Variants in DICER1 observed in about 807,000 individuals in gnomAD.
DICER1 encodes the protein endoribonuclease Dicer.
A neutral mutation model predicts 194.1 loss-of-function variants in DICER1; 43 were observed. That is an observed-to-expected ratio of 0.22 (90% confidence interval 0.17 to 0.29). The LOEUF (loss-of-function observed/expected upper bound fraction) is 0.29. Ranked by LOEUF, DICER1 falls within the 10% of genes least tolerant of loss-of-function variation. DICER1 has a pLI of 1.00. For synonymous variants in DICER1, 832 were observed against 820.5 expected (o/e 1.01, Z -0.24); for missense variants, 1,608 against 2,317.0 (o/e 0.69, Z 6.28).
At chr14:95,109,605 G>T (rs1166165082) in intron 14 of DICER1, among the ~76,000 whole-genome samples, 2 of 152,166 alleles carry the variant, frequency 1.3e-5, no homozygotes, top group Non-Finnish European at 2.9e-5. Context: ...TGAAAATTTG[G>T]TATGAGGAAA....
In DICER1 at chr14:95,117,734, T is replaced by G; in HGVS notation, c.1397A>C (p.Lys466Thr). 6.2e-7 allele frequency: 1 copy of G among 1,614,026 alleles called. No individual in the cohort carries two copies. Among genetic ancestry groups the G allele is most frequent in the South Asian group, 1.1e-5 (1 of 91,076 alleles). Residue 466 changes from lysine to threonine, a missense_variant, in exon 9 of 27, where the codon AAA (lysine) becomes ACA (threonine). Around this residue, in one of 10 missense-constraint regions of DICER1, gnomAD observed 657 missense variants for 910.1 expected, o/e 0.72. Coordinates refer to ENST00000343455, the MANE Select transcript of DICER1 (RefSeq NM_177438.3). ...GATATAAGCCAGCTCTGGATCTTGT[T>G]TGCCAGCTTCCTTTATCAATCTAAG... The part of the protein sequence containing the change: ...VLNRLIKEAG[K>T]QDPELAYISS...
chr14:95,156,422 T>C (rs1272557017), intron 1 of DICER1, among the ~76,000 whole-genome samples: 2 of 152,188 alleles, frequency 1.3e-5, no homozygotes, highest in African/African-American at 2.4e-5. Flanking sequence ...ACTACACAAA[T>C]AGGACCCTCC....
chr14:95,136,324 A>G (rs903439424), intron 1 of DICER1, among the ~76,000 whole-genome samples: 3 of 152,240 alleles, frequency 2.0e-5, no homozygotes, highest in Admixed American at 2.0e-4. Context: ...GCCATGCTCA[A>G]CTCAGCGTGG....
Position 95,090,191 on chromosome 14 carries a change from C to A in DICER1, c.*307G>T. 5 of 424,810 alleles carry A rather than the reference C, an allele frequency of 1.2e-5. No homozygotes were observed. The highest frequency in any genetic ancestry group is 4.3e-5 in the East Asian group (1 of 23,478). The allele number at this position is 424,810 out of a possible 1,614,324, so 26.3% of individuals were successfully genotyped here. A position where few individuals can be genotyped will look rare whatever the true frequency, so the allele number is the denominator to read the frequency against. On this transcript the variant is annotated 3_prime_UTR_variant, in exon 27 of 27. Transcript: ENST00000343455. ...AAACTCAAAAAAAAAAAAACAAAAC[C>A]TGTCAATTATTTTGAGCACTTGCTA...
At chr14:95,148,987 C>T (rs1895328765) in intron 1 of DICER1, among the ~76,000 whole-genome samples, 1 of 146,060 alleles carries the variant, frequency 6.8e-6, no homozygotes, top group African/African-American at 2.8e-5. Context: ...TTACAGGCAC[C>T]ATCAGAGCAC....
chr14:95,130,872 A>AGTTTCG (rs1893893685), intron 4 of DICER1, among the ~76,000 whole-genome samples: 1 of 152,242 alleles, frequency 6.6e-6, no homozygotes, highest in South Asian at 2.1e-4. Context: ...AAATTTTTCC[A>AGTTTCG]GTTTCAAGAC....
chr14:95,123,539 C>T (rs1320037925), intron 8 of DICER1, among the ~76,000 whole-genome samples: 1 of 152,210 alleles, frequency 6.6e-6, no homozygotes, highest in African/African-American at 2.4e-5. Context: ...CTTCCCACCA[C>T]AGCCTCCCAA....
rs1462690906 is a variant in DICER1, at chr14:95,126,837, G to C, written c.735-89C>G. On this transcript the variant is annotated intron_variant, in intron 6 of 26. Coordinates refer to ENST00000343455, the MANE Select transcript of DICER1 (RefSeq NM_177438.3). ...TTTCAAAAAGCAAAAAAAAAAAAAA[G>C]GGAATAGATACTAAAAAAAAAAAAA... The C allele has an allele frequency of 5.0e-6, 3 of 597,792 alleles. No individual in the cohort carries two copies. In the East Asian group the frequency reaches 1.0e-4, roughly 21 times the overall value. The allele number at this position is 597,792 out of a possible 1,614,324, so 37.0% of individuals were successfully genotyped here.
intron 1 of DICER1, among the ~76,000 whole-genome samples, chr14:95,156,828 G>A (rs973186167): frequency 3.9e-5 from 6 of 152,176 alleles, no homozygotes; most frequent in Admixed American, 2.6e-4. Context: ...TGCTCCGGCA[G>A]GTCAGGCGCG....
At chr14:95,115,157 A>T (rs370869047) in intron 11 of DICER1, among the ~76,000 whole-genome samples, 26 of 152,350 alleles carry the variant, frequency 1.7e-4, no homozygotes, top group East Asian at 1.5e-3. Context: ...TACAAAGAAA[A>T]TCTTATACTT....
rs2139962312 is a variant in DICER1, at chr14:95,103,711, G to A, written c.3685C>T (p.Pro1229Ser). 2 of 1,614,202 alleles carry A rather than the reference G, an allele frequency of 1.2e-6. No homozygotes were observed. The highest frequency in any genetic ancestry group is 2.2e-5 in the South Asian group (2 of 91,078). The change falls in exon 21 of 27, where the codon CCC becomes TCC. Residue 1229 changes from proline (P) to serine (S), a missense_variant. This residue lies in a region of DICER1 where 222 missense variants were observed against 215.5 expected (regional missense o/e 1.03). Coordinates refer to ENST00000343455, the MANE Select transcript of DICER1 (RefSeq NM_177438.3). ...IQNLYSYENQ[P>S]QPSDECTLLS... ...AGAGTACATTCATCGCTGGGCTGGGGCTGGTTCTCGTAACTGTATAAATTC... is the reference window on the plus strand; with the variant it reads ...AGAGTACATTCATCGCTGGGCTGGGACTGGTTCTCGTAACTGTATAAATTC...
chr14:95,095,152 G>C (rs556076677), intron 23 of DICER1, among the ~76,000 whole-genome samples: 1 of 152,282 alleles, frequency 6.6e-6, no homozygotes, highest in African/African-American at 2.4e-5. Flanking sequence ...TCTGAATTCA[G>C]GCACTTATTT....
chr14:95,132,485 G>C (rs1483958697), intron 3 of DICER1, 30 bp downstream of exon 3: 1 of 1,610,886 alleles, frequency 6.2e-7, no homozygotes, highest in East Asian at 2.2e-5. Context: ...AATTTCCCCT[G>C]CACAACTTGA....
chr14:95,105,293 C>CA lies in DICER1; in HGVS notation c.3094-48dup. 2.1e-6 allele frequency: 3 copies of CA among 1,427,222 alleles called. No individual in the cohort carries two copies. The highest frequency in any genetic ancestry group is 3.9e-5 in the Admixed American group (2 of 50,670). The allele number at this position is 1,427,222 out of a possible 1,614,324, so 88.4% of individuals were successfully genotyped here. On this transcript the variant is annotated intron_variant, in intron 19 of 26. Transcript: ENST00000343455. This position sits in a 1 kb window ranked among gnomAD's most constrained non-coding sequence, Gnocchi z 4.9. ...GACAGATAAATACAAAGCGCACACA[C>CA]AAAAGAAAAAAAAAAAGACCAATTT...
chr14:95,102,095 T>A (rs146879440), intron 21 of DICER1, among the ~76,000 whole-genome samples: 1 of 152,316 alleles, frequency 6.6e-6, no homozygotes, highest in South Asian at 2.1e-4. Context: ...TATATGTGTA[T>A]ATATGTGGGT....
At chr14:95,141,919 C>T (rs1300101886) in intron 1 of DICER1, among the ~76,000 whole-genome samples, 2 of 152,114 alleles carry the variant, frequency 1.3e-5, no homozygotes, top group Non-Finnish European at 2.9e-5. Flanking sequence ...TGTTCTAATA[C>T]AGCCAGGAAA....
At chr14:95,144,475 G>C (rs1236506870) in intron 1 of DICER1, among the ~76,000 whole-genome samples, 2 of 152,186 alleles carry the variant, frequency 1.3e-5, no homozygotes, top group Non-Finnish European at 1.5e-5. Flanking sequence ...GATTACACAA[G>C]ATCTTAAACT....
At chr14:95,153,834 A>G (rs1895673268) in intron 1 of DICER1, among the ~76,000 whole-genome samples, 1 of 152,246 alleles carries the variant, frequency 6.6e-6, no homozygotes, top group Admixed American at 6.5e-5. Flanking sequence ...AGTGAAAACT[A>G]GCCATCAAAA....
intron 1 of DICER1, among the ~76,000 whole-genome samples, chr14:95,149,926 C>T (rs1184284414): frequency 2.0e-5 from 3 of 152,136 alleles, no homozygotes; most frequent in African/African-American, 7.2e-5. Flanking sequence ...AAGAATAATT[C>T]GAGGCTAACT....
Sources: gnomAD v4.1 joint callset for allele counts (sites outside exome capture counted in the v4.1 genomes callset) on GRCh38, gnomAD v4.1.1 for gene constraint, gnomAD v4.1.1 regional missense constraint, Gnocchi (gnomAD v3.1) non-coding constraint, MANE v1.5 for transcripts, NCBI Gene and HGNC (gene_info 2026-07-23, HGNC 2026-07-21) for gene names.